The following IARS1 variants were observed in gnomAD, a reference collection of about 807,000 sequenced individuals.
IARS1 encodes isoleucine--tRNA ligase, cytoplasmic.
In IARS1, 124 loss-of-function variants were observed where a neutral mutation model predicts 168.2. The observed-to-expected ratio is 0.74, with a 90% CI of 0.64 to 0.86. IARS1 has a LOEUF of 0.86. Among genes scored for constraint, IARS1 ranks in the 40% least tolerant of loss-of-function variants. IARS1 has a pLI of 0.00. For missense variants in IARS1, 1,452 were observed against 1,515.8 expected (o/e 0.96, Z 0.70); for synonymous variants, 532 against 529.4 (o/e 1.00, Z -0.07).
chr9:92,236,234 T>C (rs762280883), intron 30 of IARS1, among the ~76,000 whole-genome samples: 2 of 152,218 alleles, frequency 1.3e-5, no homozygotes, highest in African/African-American at 4.8e-5. Flanking sequence ...CCCACCCGCC[T>C]TGGCCTCCCA....
chr9:92,271,203 G>A, intron 11 of IARS1, 127 bp from the exon 12 acceptor site: 1 of 612,594 alleles, frequency 1.6e-6, no homozygotes, highest in South Asian at 3.0e-5. Context: ...ATTATTTTTA[G>A]TCACTAACTT....
rs374487620 is a variant in IARS1, at chr9:92,243,254, G to A, written c.2962C>T (p.Arg988Trp). ...DQSMVDEGMA[R>W]EVINRIQKLR... is the part of the protein sequence containing the mutation. The stretch of plus-strand genomic sequence containing the variant: ...TTCTGTATGCGATTGATGACTTCCC[G>A]AGCCATTCCTTCATCTACCATTGAC... The change falls in exon 28 of 34, where the codon CGG (arginine) becomes TGG (tryptophan). Residue 988 changes from arginine (R) to tryptophan (W), a missense_variant. Transcript: ENST00000443024. 4 of 1,613,604 alleles carry A rather than the reference G, an allele frequency of 2.5e-6. No individual in the cohort carries two copies. Among genetic ancestry groups the A allele is most frequent in the East Asian group, 2.2e-5 (1 of 44,870 alleles).
At chr9:92,232,442 T>G (rs1826865310) in intron 30 of IARS1, among the ~76,000 whole-genome samples, 1 of 152,204 alleles carries the variant, frequency 6.6e-6, no homozygotes, top group African/African-American at 2.4e-5. Flanking sequence ...GGAAAAGACA[T>G]GGTTTTGGTA....
At chr9:92,287,992 C>T (rs1333832717) in intron 3 of IARS1, 82 bp from the exon 4 acceptor site, 2 of 1,561,874 alleles carry the variant, frequency 1.3e-6, no homozygotes, top group Non-Finnish European at 8.7e-7. Context: ...CAAAACAAAT[C>T]AAACTACAAA....
At chr9:92,276,208 G>GA (rs1833753690) in intron 9 of IARS1, among the ~76,000 whole-genome samples, 1 of 152,230 alleles carries the variant, frequency 6.6e-6, no homozygotes, top group Non-Finnish European at 1.5e-5. Context: ...GAGGACATCT[G>GA]AGTTCAGACC....
chr9:92,247,424 G>C lies in IARS1; in HGVS notation c.2744C>G (p.Ser915Cys). 6.2e-7 allele frequency: 1 copy of C among 1,614,146 alleles called. No individual in the cohort carries two copies. The highest frequency in any genetic ancestry group is 2.2e-5 in the East Asian group (1 of 44,882). ...LKGAFKAVMTSIKQLSSEELE... is the reference protein window; with the variant it reads ...LKGAFKAVMTCIKQLSSEELE... ...CTCCTCACTGCTCAACTGCTTGATG[G>C]ACGTCATCACTGCCTTAAAGGCTCC... is the stretch of plus-strand genomic sequence containing the variant. The change falls in exon 26 of 34, where the codon TCC becomes TGC. Residue 915 changes from serine (S) to cysteine (C), a missense_variant. Coordinates refer to ENST00000443024, the MANE Select transcript of IARS1 (RefSeq NM_002161.6).
At chr9:92,291,130 T>C (rs922136952) in intron 1 of IARS1, among the ~76,000 whole-genome samples, 2 of 152,114 alleles carry the variant, frequency 1.3e-5, no homozygotes, top group African/African-American at 4.8e-5. Context: ...AAGTATCTAG[T>C]GAGCCACCCT....
chr9:92,247,482 G>A lies in IARS1; in HGVS notation c.2686C>T (p.Pro896Ser). ...CGCTTCCCCAGGACCATGTGATCTG[G>A]TTCTGCCCTTAGCCGAATGCCATAC... ...NKYGIRLRAE[P>S]DHMVLGKRLK... The change falls in exon 26 of 34, where the codon CCA becomes TCA. Residue 896 changes from proline to serine, a missense_variant. Coordinates refer to ENST00000443024, the MANE Select transcript of IARS1 (RefSeq NM_002161.6). 2 of 1,614,152 alleles carry A rather than the reference G, an allele frequency of 1.2e-6. No individual in the cohort carries two copies. Among genetic ancestry groups the A allele is most frequent in the African/African-American group, 1.3e-5 (1 of 75,030 alleles).
At chr9:92,243,107 T>C (rs1828680345) in intron 28 of IARS1, 109 bp downstream of exon 28, 2 of 714,692 alleles carry the variant, frequency 2.8e-6, no homozygotes, top group East Asian at 2.8e-5. Context: ...TTAGTGATTG[T>C]TATGCATTGA....
Position 92,250,722 on chromosome 9 carries a change from G to C in IARS1, c.2420C>G (p.Pro807Arg), listed in dbSNP as rs746731101. The change falls in exon 23 of 34, where the codon CCC becomes CGC. Residue 807 changes from proline (P) to arginine (R), a missense_variant. Pro to Arg is a moderately radical substitution (Grantham distance 103). Transcript: ENST00000443024. ...DTLSIHYLML[P>R]RVREELIDKK... ...TCTATTTGAGTCCTACCGAACACGGGGCAGCATGAGGTAGTGAATGCTGAG... is the reference window on the plus strand; with the variant it reads ...TCTATTTGAGTCCTACCGAACACGGCGCAGCATGAGGTAGTGAATGCTGAG... The C allele has an allele frequency of 1.2e-6, 2 of 1,608,882 alleles. No homozygotes were observed. Among genetic ancestry groups the C allele is most frequent in the Admixed American group, 3.4e-5 (2 of 59,034 alleles).
intron 30 of IARS1, among the ~76,000 whole-genome samples, chr9:92,230,564 T>C (rs780463998): frequency 1.4e-4 from 22 of 152,350 alleles, no homozygotes; most frequent in Admixed American, 3.3e-4. Context: ...TTTGGTGCTA[T>C]TATGAATATA....
chr9:92,257,447 C>T (rs555812425), intron 19 of IARS1, among the ~76,000 whole-genome samples: 1 of 152,298 alleles, frequency 6.6e-6, no homozygotes, highest in African/African-American at 2.4e-5. Context: ...AGCTTTGACC[C>T]CGCCTGTATT....
At chr9:92,215,081 G>A (rs868822069) in intron 33 of IARS1, among the ~76,000 whole-genome samples, 1 of 152,090 alleles carries the variant, frequency 6.6e-6, no homozygotes, top group Non-Finnish European at 1.5e-5. Context: ...ATCTGAGAAC[G>A]GGCAGACTGC....
At chr9:92,250,383 T>C (rs950572545) in intron 23 of IARS1, 94 bp from the exon 24 acceptor site, 16 of 836,820 alleles carry the variant, frequency 1.9e-5, no homozygotes, top group Non-Finnish European at 2.8e-5. Context: ...AGGGTCAGGC[T>C]AGAGAAGTGT....
intron 33 of IARS1, among the ~76,000 whole-genome samples, chr9:92,216,614 GT>G (rs2133345479): frequency 7.5e-6 from 1 of 133,942 alleles, no homozygotes; most frequent in East Asian, 2.1e-4. Flanking sequence ...AAAGGCAGGG[GT>G]TGCAATCCTA....
chr9:92,292,181 C>CTTTTTTTTTT lies in IARS1; in HGVS notation c.-8+1420_-8+1429dup, dbSNP rs57075703. On this transcript the variant is annotated intron_variant, in intron 1 of 33. Transcript: ENST00000443024. Reference sequence around the variant, plus strand: ...TACAGGTGTGCACCACCACACTCAGCTTTTTTTTTTTTTTTTTTTGGTGGG... The same window carrying CTTTTTTTTTT: ...TACAGGTGTGCACCACCACACTCAGCTTTTTTTTTTTTTTTTTTTTTTTTTTTTTGGTGGG... 3.9e-3 allele frequency among the ~76,000 whole-genome samples: 460 copies of CTTTTTTTTTT among 117,916 alleles called. 7 individuals carry two copies. Among genetic ancestry groups the CTTTTTTTTTT allele is most frequent in the African/African-American group, 0.014 (442 of 31,460 alleles). 77.4% of individuals were successfully genotyped at this position (117,916 alleles called of 152,430 possible). A position where few individuals can be genotyped will look rare whatever the true frequency, so the allele number is the denominator to read the frequency against.
chr9:92,243,134 T>C (rs1259619019), intron 28 of IARS1, 82 bp downstream of exon 28: 3 of 916,144 alleles, frequency 3.3e-6, no homozygotes, highest in Non-Finnish European at 5.3e-6. Context: ...TGGTTTATAT[T>C]ACCTGCCTCT....
intron 30 of IARS1, among the ~76,000 whole-genome samples, chr9:92,232,543 G>C (rs969358840): frequency 1.3e-5 from 2 of 152,240 alleles, no homozygotes; most frequent in African/African-American, 4.8e-5. Context: ...TTCACAGTAA[G>C]AGGAAGAATT....
chr9:92,286,581 T>C lies in IARS1; in HGVS notation c.434A>G (p.Asp145Gly). The change falls in exon 5 of 34, where the codon GAC becomes GGC. Residue 145 changes from aspartate (D) to glycine (G), a missense_variant. Coordinates refer to ENST00000443024, the MANE Select transcript of IARS1 (RefSeq NM_002161.6). Reference sequence around the variant, plus strand: ...TGGATACAGAGTTTTATAGTCATTGTCAAAGTCAATCCATCGGCCAAGTCT... The same window carrying C: ...TGGATACAGAGTTTTATAGTCATTGCCAAAGTCAATCCATCGGCCAAGTCT... ...VSRLGRWIDFDNDYKTLYPQF... is the reference protein window; with the variant it reads ...VSRLGRWIDFGNDYKTLYPQF... 6.2e-7 allele frequency: 1 copy of C among 1,600,400 alleles called. No homozygotes were observed. Among genetic ancestry groups the C allele is most frequent in the African/African-American group, 1.3e-5 (1 of 74,794 alleles).
Sources: allele counts gnomAD v4.1 joint callset (sites outside exome capture counted in the v4.1 genomes callset), GRCh38; gene constraint gnomAD v4.1.1; transcripts MANE v1.5; gene names NCBI Gene and HGNC (gene_info 2026-07-23, HGNC 2026-07-21).